NPC1: variants seen among roughly 807,000 people sequenced by gnomAD.
The protein encoded by NPC1 is Niemann-Pick C1 protein.
A neutral mutation model predicts 140.4 loss-of-function variants in NPC1; 85 were observed. The ratio of observed to expected loss-of-function variants is 0.61; its 90% CI spans 0.51 to 0.72. The LOEUF (loss-of-function observed/expected upper bound fraction) is 0.72. Among genes scored for constraint, NPC1 ranks in the 30% least tolerant of loss-of-function variants. The pLI is 0.00. For synonymous variants in NPC1, 656 were observed against 624.8 expected, an observed-to-expected ratio of 1.05 and a Z score of -0.74; for missense variants, 1,504 against 1,623.8, an observed-to-expected ratio of 0.93 and a Z score of 1.27.
rs1468707478 is a variant in NPC1, at chr18:23,586,491, C to A, written c.-148G>T. On this transcript the variant is annotated 5_prime_UTR_variant, in exon 1 of 25. Transcript: ENST00000269228. ...GCGCTGACCGCGGCAGCAGGCTGCGCGCGCCGGTCAGGAAGGAAGAAGGCG... is the reference window on the plus strand; with the variant it reads ...GCGCTGACCGCGGCAGCAGGCTGCGAGCGCCGGTCAGGAAGGAAGAAGGCG... 14 of 1,421,570 alleles carry A rather than the reference C, an allele frequency of 9.8e-6. No individual in the cohort carries two copies. The highest frequency in any genetic ancestry group is 1.5e-5 in the African/African-American group (1 of 66,466). The allele number at this position is 1,421,570 out of a possible 1,614,324, so 88.1% of individuals were successfully genotyped here. A position where few individuals can be genotyped will look rare whatever the true frequency, so the allele number is the denominator to read the frequency against.
chr18:23,550,475 A>ATTTTTTTTTTTT (rs1491268509), intron 10 of NPC1, among the ~76,000 whole-genome samples: 62 of 53,446 alleles, frequency 1.2e-3, no homozygotes, highest in Non-Finnish European at 1.5e-3. Flanking sequence ...CAGTTCTTAC[A>ATTTTTTTTTTTT]TTTCTTTTTT....
chr18:23,543,570 CTT>C lies in NPC1; in HGVS notation c.2131-3_2131-2del. The C allele has an allele frequency of 7.5e-7, 1 of 1,340,112 alleles. No individual in the cohort carries two copies. 83.0% of individuals were successfully genotyped at this position (1,340,112 alleles called of 1,614,324 possible). A position where few individuals can be genotyped will look rare whatever the true frequency, so the allele number is the denominator to read the frequency against. The stretch of plus-strand genomic sequence containing the variant: ...TTTCCCCTTGAAGACGTTCATCTCT[CTT>C]AAAAAAAAAAAAAAAAAATTATGCG... On this transcript the variant is annotated splice_acceptor_variant and splice_polypyrimidine_tract_variant and intron_variant, in intron 13 of 24. Transcript: ENST00000269228. LOFTEE classifies it high-confidence loss of function.
At chr18:23,561,278 C>T in intron 5 of NPC1, 82 bp downstream of exon 5, 5 of 1,452,294 alleles carry the variant, frequency 3.4e-6, no homozygotes, top group Non-Finnish European at 4.8e-6. Context: ...TCCCCAAGCA[C>T]TGGTGAGCCA....
At chr18:23,558,411 T>C (rs989753266) in intron 6 of NPC1, among the ~76,000 whole-genome samples, 3 of 151,958 alleles carry the variant, frequency 2.0e-5, no homozygotes, top group Admixed American at 1.3e-4. Context: ...ACTTCTGTGA[T>C]GTACTTGTCA....
chr18:23,549,192 A>G (rs1484780593), intron 10 of NPC1, among the ~76,000 whole-genome samples: 1 of 152,048 alleles, frequency 6.6e-6, no homozygotes, highest in African/African-American at 2.4e-5. Flanking sequence ...ACTATTTTTC[A>G]TTCCTTTTTT....
chr18:23,524,801 C>T (rs372440693), downstream of NPC1, among the ~76,000 whole-genome samples: 1 of 152,096 alleles, frequency 6.6e-6, no homozygotes. Flanking sequence ...TCATTTCTCC[C>T]ATCGACCTTC....
At chr18:23,552,352 C>T (rs577448387) in intron 9 of NPC1, among the ~76,000 whole-genome samples, 1 of 152,208 alleles carries the variant, frequency 6.6e-6, no homozygotes, top group South Asian at 2.1e-4. Context: ...GGGGTGCCCA[C>T]CAAGGGGGCT....
At chr18:23,562,248 C>T (rs2059052533) in intron 4 of NPC1, among the ~76,000 whole-genome samples, 1 of 150,692 alleles carries the variant, frequency 6.6e-6, no homozygotes, top group Non-Finnish European at 1.5e-5. Flanking sequence ...AAGATTGCGC[C>T]ACTGCACTCC....
intron 6 of NPC1, among the ~76,000 whole-genome samples, chr18:23,559,856 G>C (rs34944503): frequency 1.4e-4 from 22 of 152,136 alleles, no homozygotes; most frequent in African/African-American, 4.6e-4. Context: ...TACTCAGGAG[G>C]CTGATGCAGG....
intron 1 of NPC1, among the ~76,000 whole-genome samples, chr18:23,574,067 A>C (rs1335365785): frequency 6.6e-6 from 1 of 152,254 alleles, no homozygotes; most frequent in South Asian, 2.1e-4. Flanking sequence ...AGCGAGAATG[A>C]ACTTCCTGTC....
In NPC1 at chr18:23,538,203, G is replaced by A. The variant is rs532536815; in HGVS notation, c.3041+339C>T. Among the ~76,000 whole-genome samples, 11 of 152,256 alleles carry A rather than the reference G, an allele frequency of 7.2e-5. 1 individual carries two copies. In the South Asian group the frequency reaches 1.7e-3, roughly 23 times the overall value. Reference sequence around the variant, plus strand: ...AGCTGCCATCAGTACAAGTGAACAGGCCAAGTTCCTTCAGGCCTGGATTAC... The same window carrying A: ...AGCTGCCATCAGTACAAGTGAACAGACCAAGTTCCTTCAGGCCTGGATTAC... On this transcript the variant is annotated intron_variant, in intron 20 of 24. Transcript: ENST00000269228.
intron 21 of NPC1, 85 bp from the exon 22 acceptor site, chr18:23,535,785 C>A: frequency 1.1e-6 from 1 of 904,536 alleles, no homozygotes; most frequent in South Asian, 1.4e-5. Context: ...GCCAAGTGGT[C>A]AGACTCCTTT....
At chr18:23,539,713 G>T in intron 18 of NPC1, 98 bp downstream of exon 18, 1 of 1,375,654 alleles carries the variant, frequency 7.3e-7, no homozygotes. Flanking sequence ...ACTTTTCCAA[G>T]AAAGTCTATT....
chr18:23,550,876 C>T (rs7242568), intron 10 of NPC1, among the ~76,000 whole-genome samples: 1,783 of 152,270 alleles, frequency 0.012, 38 homozygotes, highest in African/African-American at 0.041. Context: ...TCCCCTATGG[C>T]TAGTCAGTTG....
At chr18:23,529,854 G>C, downstream of NPC1, 2 of 1,052,062 alleles carry the variant, frequency 1.9e-6, no homozygotes, top group Admixed American at 4.1e-5. Context: ...GACATTATTA[G>C]TTGGAATGGG....
chr18:23,565,357 TTC>T (rs1159714500), intron 4 of NPC1, among the ~76,000 whole-genome samples: 1 of 152,190 alleles, frequency 6.6e-6, no homozygotes, highest in African/African-American at 2.4e-5. Flanking sequence ...AGTGTGTTTT[TTC>T]TGTTTTTCTT....
chr18:23,535,242 T>C (rs1309706421), intron 22 of NPC1, among the ~76,000 whole-genome samples: 1 of 152,164 alleles, frequency 6.6e-6, no homozygotes, highest in Non-Finnish European at 1.5e-5. Flanking sequence ...TTGCCTGTAA[T>C]GTGCCTATGC....
downstream of NPC1, chr18:23,528,957 G>A (rs753592675): frequency 1.5e-5 from 8 of 539,532 alleles, no homozygotes; most frequent in Admixed American, 3.8e-5. Context: ...TTGGCTCACC[G>A]CAACCTCTGC....
chr18:23,574,455 AC>A lies in NPC1; in HGVS notation c.58-882del, dbSNP rs199976710. ...CTGATGGGAAAGCCATAAAAAAAAA[AC>A]AAATCTGAACAGAAGTCACAACATG... On this transcript the variant is annotated intron_variant, in intron 1 of 24. Coordinates refer to ENST00000269228, the MANE Select transcript of NPC1 (RefSeq NM_000271.5). Among the ~76,000 whole-genome samples, 585 of 152,226 alleles carry A rather than the reference AC, an allele frequency of 3.8e-3. 4 individuals carry two copies. The highest frequency in any genetic ancestry group is 0.013 in the African/African-American group (560 of 41,506).
Sources: gnomAD v4.1 joint callset for allele counts (sites outside exome capture counted in the v4.1 genomes callset) on GRCh38, gnomAD v4.1.1 for gene constraint, MANE v1.5 for transcripts, NCBI Gene and HGNC (gene_info 2026-07-23, HGNC 2026-07-21) for gene names.